The following ADGRB3 variants were observed in gnomAD, a reference collection of about 807,000 sequenced individuals.
ADGRB3 encodes brain-specific angiogenesis inhibitor 3.
Under a neutral mutation model 193.4 loss-of-function variants are expected in ADGRB3, and 37 were observed. The ratio of observed to expected loss-of-function variants is 0.19; its 90% CI spans 0.15 to 0.25. ADGRB3 has a LOEUF of 0.25. Ranked by LOEUF, ADGRB3 falls within the 10% of genes least tolerant of loss-of-function variation. The pLI is 1.00. For synonymous variants in ADGRB3, 690 were observed against 644.2 expected (o/e 1.07, Z -1.08); for missense variants, 1,637 against 1,852.9 (o/e 0.88, Z 2.14).
intron 3 of ADGRB3, among the ~76,000 whole-genome samples, chr6:68,746,373 TTTC>T (rs1457713686): frequency 1.3e-5 from 2 of 152,058 alleles, no homozygotes; most frequent in Non-Finnish European, 2.9e-5. Context: ...AAGTTATTAT[TTTC>T]TTCTTATTGA....
intron 17 of ADGRB3, among the ~76,000 whole-genome samples, chr6:69,102,882 C>T (rs1185984918): frequency 6.6e-6 from 1 of 152,266 alleles, no homozygotes; most frequent in Non-Finnish European, 1.5e-5. Context: ...TTCTGCAACT[C>T]ATTTTTATGG....
intron 17 of ADGRB3, among the ~76,000 whole-genome samples, chr6:69,101,686 T>C (rs917526144): frequency 1.7e-4 from 26 of 150,916 alleles, no homozygotes; most frequent in African/African-American, 6.3e-4. Flanking sequence ...AGGACACTGT[T>C]CTAAATCTTT....
intron 17 of ADGRB3, among the ~76,000 whole-genome samples, chr6:69,099,913 T>C (rs1772985222): frequency 6.6e-6 from 1 of 152,228 alleles, no homozygotes; most frequent in Non-Finnish European, 1.5e-5. Context: ...AGTCCTTTGT[T>C]TCTTTATATG....
chr6:68,957,274 C>T (rs1257555423), intron 8 of ADGRB3, among the ~76,000 whole-genome samples: 2 of 152,056 alleles, frequency 1.3e-5, no homozygotes, highest in Non-Finnish European at 2.9e-5. Flanking sequence ...AAATGAAAGT[C>T]CTGCTACATT....
At chr6:69,368,888 A>G (rs1268828102) in intron 29 of ADGRB3, among the ~76,000 whole-genome samples, 3 of 152,122 alleles carry the variant, frequency 2.0e-5, no homozygotes, top group African/African-American at 4.8e-5. Context: ...AGTTGAGATG[A>G]GTTCTAAGTG....
intron 17 of ADGRB3, among the ~76,000 whole-genome samples, chr6:69,194,968 A>T (rs563664286): frequency 1.3e-5 from 2 of 152,260 alleles, no homozygotes; most frequent in African/African-American, 4.8e-5. Flanking sequence ...TTTATTTATC[A>T]TATGGACATA....
intron 17 of ADGRB3, among the ~76,000 whole-genome samples, chr6:69,172,118 A>T (rs1775285395): frequency 6.6e-6 from 1 of 152,170 alleles, no homozygotes; most frequent in South Asian, 2.1e-4. Context: ...TTTTTAGATC[A>T]TGGGGGCTAT....
chr6:68,724,289 G>T (rs1454072666), intron 3 of ADGRB3, among the ~76,000 whole-genome samples: 1 of 151,530 alleles, frequency 6.6e-6, no homozygotes, highest in Non-Finnish European at 1.5e-5. Flanking sequence ...TTCCTAACAA[G>T]AAACAGACTT....
chr6:68,821,957 G>T (rs891192950), intron 3 of ADGRB3, among the ~76,000 whole-genome samples: 3 of 151,840 alleles, frequency 2.0e-5, no homozygotes, highest in Non-Finnish European at 2.9e-5. Context: ...ACGGAGGTAG[G>T]TACTATTATT....
At chr6:68,811,075 G>GATATAT (rs140401590) in intron 3 of ADGRB3, among the ~76,000 whole-genome samples, 1 of 150,016 alleles carries the variant, frequency 6.7e-6, no homozygotes, top group African/African-American at 2.4e-5. Flanking sequence ...TTTATGAGGA[G>GATATAT]ATATATATAT....
At chr6:68,676,610 T>C (rs542312550) in intron 3 of ADGRB3, among the ~76,000 whole-genome samples, 1 of 152,306 alleles carries the variant, frequency 6.6e-6, no homozygotes, top group East Asian at 1.9e-4. Flanking sequence ...TACATTTTTA[T>C]GCACGTTGTT....
chr6:69,077,334 A>G (rs1409809041), intron 17 of ADGRB3, among the ~76,000 whole-genome samples: 1 of 151,790 alleles, frequency 6.6e-6, no homozygotes, highest in African/African-American at 2.4e-5. Flanking sequence ...ATAAAATGCT[A>G]TAAAAATCTA....
At chr6:68,683,329 AC>A (rs1764928430) in intron 3 of ADGRB3, among the ~76,000 whole-genome samples, 1 of 152,154 alleles carries the variant, frequency 6.6e-6, no homozygotes, top group Non-Finnish European at 1.5e-5. Context: ...AAGCACCCAA[AC>A]ATCTGGCAAT....
chr6:68,982,540 T>C (rs1156789929), intron 10 of ADGRB3, among the ~76,000 whole-genome samples: 1 of 152,222 alleles, frequency 6.6e-6, no homozygotes, highest in African/African-American at 2.4e-5. Context: ...AGTTCCATGT[T>C]CTAGCTTTCT....
At chr6:69,266,594 A>G (rs1356027520) in intron 20 of ADGRB3, among the ~76,000 whole-genome samples, 1 of 152,068 alleles carries the variant, frequency 6.6e-6, no homozygotes. Flanking sequence ...AATATACCCT[A>G]TAATCTTTTC....
chr6:69,220,128 A>C (rs1423115964), intron 17 of ADGRB3, among the ~76,000 whole-genome samples: 1 of 151,994 alleles, frequency 6.6e-6, no homozygotes, highest in Non-Finnish European at 1.5e-5. Context: ...CTGAGAATAA[A>C]AGTTTTTTTC....
intron 17 of ADGRB3, among the ~76,000 whole-genome samples, chr6:69,122,356 G>A (rs1369869074): frequency 6.6e-6 from 1 of 151,382 alleles, no homozygotes; most frequent in African/African-American, 2.4e-5. Context: ...GGCTGAGGCA[G>A]GAGAACCACG....
intron 17 of ADGRB3, among the ~76,000 whole-genome samples, chr6:69,164,364 CAA>C (rs1561939326): frequency 6.7e-6 from 1 of 149,042 alleles, no homozygotes; most frequent in Admixed American, 6.7e-5. Flanking sequence ...ATTTTTTTGT[CAA>C]GTTAGAAAAA....
At chr6:68,935,755 A>T (rs1582328387) in intron 4 of ADGRB3, among the ~76,000 whole-genome samples, 1 of 152,284 alleles carries the variant, frequency 6.6e-6, no homozygotes, top group Admixed American at 6.5e-5. Context: ...ACATAGTTTT[A>T]TTGAGATGCT....
Sources: allele counts gnomAD v4.1 joint callset (sites outside exome capture counted in the v4.1 genomes callset), GRCh38; gene constraint gnomAD v4.1.1; transcripts MANE v1.5; gene names NCBI Gene and HGNC (gene_info 2026-07-23, HGNC 2026-07-21).